Variants in WDR26 observed in about 807,000 individuals in gnomAD.
WDR26 encodes the protein WD repeat-containing protein 26.
Under a neutral mutation model 84.1 loss-of-function variants are expected in WDR26, and 5 were observed. The observed-to-expected ratio is 0.06, with a 90% confidence interval of 0.03 to 0.13. WDR26 has a LOEUF of 0.13. WDR26 is among the 10% of genes least tolerant of loss of function. The pLI, the probability that WDR26 is intolerant of heterozygous loss-of-function variation, is 1.00. For synonymous variants in WDR26, 415 were observed against 389.6 expected, an observed-to-expected ratio of 1.07 and a Z score of -0.77; for missense variants, 642 against 974.9, an observed-to-expected ratio of 0.66 and a Z score of 4.55.
chr1:224,425,850 C>T (rs933729468), intron 3 of WDR26, among the ~76,000 whole-genome samples: 4 of 152,008 alleles, frequency 2.6e-5, no homozygotes, highest in Admixed American at 1.3e-4. Context: ...TTTTCTTCTT[C>T]GTAAGATGCT....
At chr1:224,391,384 CA>C (rs59569992) in intron 13 of WDR26, among the ~76,000 whole-genome samples, 92,855 of 124,742 alleles carry the variant, frequency 0.74, 36,205 homozygotes, top group Middle Eastern at 0.79. Flanking sequence ...AAAAAAAAAA[CA>C]AAAAAAAAAC....
chr1:224,404,922 T>C (rs933709704), intron 7 of WDR26, among the ~76,000 whole-genome samples: 22 of 152,244 alleles, frequency 1.4e-4, no homozygotes, highest in Admixed American at 4.6e-4. Flanking sequence ...ATCTCTTACA[T>C]ATTTTTAAAC....
At chr1:224,431,808 G>T (rs769387035) in intron 1 of WDR26, 27 bp from the exon 2 acceptor site, 1 of 1,548,070 alleles carries the variant, frequency 6.5e-7, no homozygotes, top group Non-Finnish European at 8.8e-7. Flanking sequence ...GTGTAAAACA[G>T]ACCTGACCAA....
rs1368763272 is a variant in WDR26, at chr1:224,407,078, C to A, written c.1459-2508G>T. ...TGAAGGTTACAGTGAGCCAAGATTG[C>A]GCCACTGCACTCCAGCCTGGGCGAC... On this transcript the variant is annotated intron_variant, in intron 7 of 13. Coordinates refer to ENST00000414423, the MANE Select transcript of WDR26 (RefSeq NM_001379403.1). 1.6e-4 allele frequency among the ~76,000 whole-genome samples: 21 copies of A among 131,300 alleles called. No homozygotes were observed. The South Asian group carries it at 5.5e-3, about 34-fold the overall frequency. 86.1% of individuals were successfully genotyped at this position (131,300 alleles called of 152,430 possible).
intron 4 of WDR26, among the ~76,000 whole-genome samples, chr1:224,420,644 C>A (rs1167664664): frequency 6.6e-6 from 1 of 152,178 alleles, no homozygotes; most frequent in Non-Finnish European, 1.5e-5. Flanking sequence ...TCTTCCCAAA[C>A]AGCAGAACTA....
At chr1:224,430,259 T>C (rs1486925006) in intron 3 of WDR26, 1 of 152,328 alleles carries the variant, frequency 6.6e-6, no homozygotes, top group Non-Finnish European at 1.5e-5. Flanking sequence ...TTTTCAATTT[T>C]ACTACAGAAT....
At chr1:224,433,623 C>T (rs566554136) in intron 1 of WDR26, 61 bp downstream of exon 1, 4 of 1,015,946 alleles carry the variant, frequency 3.9e-6, no homozygotes, top group South Asian at 2.3e-5. Context: ...CCTTCCCCTA[C>T]CCCCCTGGAG....
chr1:224,401,174 T>C, intron 8 of WDR26, 105 bp from the exon 9 acceptor site: 1 of 1,134,244 alleles, frequency 8.8e-7, no homozygotes, highest in Non-Finnish European at 1.2e-6. Flanking sequence ...TCCCAGTTCA[T>C]TCTAAGTAGA....
chr1:224,405,418 T>C (rs1673524590), intron 7 of WDR26, among the ~76,000 whole-genome samples: 1 of 152,200 alleles, frequency 6.6e-6, no homozygotes, highest in South Asian at 2.1e-4. Context: ...TATGTTTCCA[T>C]TTCTCTTGGG....
intron 4 of WDR26, among the ~76,000 whole-genome samples, chr1:224,423,096 T>C (rs1336116185): frequency 2.0e-5 from 3 of 152,260 alleles, no homozygotes; most frequent in South Asian, 4.1e-4. Context: ...TTCTTGTGTA[T>C]TGACCTTGTA....
At chr1:224,407,151 A>AATATATATATATATATATATATATAT (rs1335487396) in intron 7 of WDR26, among the ~76,000 whole-genome samples, 4 of 11,864 alleles carry the variant, frequency 3.4e-4, no homozygotes, top group African/African-American at 7.8e-4. Flanking sequence ...AAAAAAAAAA[A>AATATATATATATATATATATATATAT]ATATATATAT....
rs914587835 is a variant in WDR26, at chr1:224,398,026, G to A, written c.2074+71C>T. The A allele has an allele frequency of 5.0e-5, 78 of 1,558,930 alleles. No individual in the cohort carries two copies. In the African/African-American group the frequency reaches 8.1e-4, roughly 16 times the overall value. ...CTACCCTGAATTTTCTTGGAGACATGACTGCCTTCATAAATTGAGATTTAC... is the reference window on the plus strand; with the variant it reads ...CTACCCTGAATTTTCTTGGAGACATAACTGCCTTCATAAATTGAGATTTAC... On this transcript the variant is annotated intron_variant, in intron 12 of 13. Coordinates refer to ENST00000414423, the MANE Select transcript of WDR26 (RefSeq NM_001379403.1).
rs1366403298 is a variant in WDR26 at position 224,407,138 on chromosome 1, AAAAAAAAAAAAAAATATAT to A, written c.1459-2587_1459-2569del. ...CTCTGTCTTTAAAAAAAAAAAAAAA[AAAAAAAAAAAAAAATATAT>A]ATATATATATATATAACTCAAAAAC... On this transcript the variant is annotated intron_variant, in intron 7 of 13. Coordinates refer to ENST00000414423, the MANE Select transcript of WDR26 (RefSeq NM_001379403.1). Among the ~76,000 whole-genome samples the A allele has an allele frequency of 6.3e-5, 4 of 63,896 alleles. 1 individual carries two copies. The highest frequency in any genetic ancestry group is 5.5e-4 in the Admixed American group (3 of 5,408). 41.9% of individuals were successfully genotyped at this position (63,896 alleles called of 152,430 possible). A position where few individuals can be genotyped will look rare whatever the true frequency, so the allele number is the denominator to read the frequency against.
intron 6 of WDR26, among the ~76,000 whole-genome samples, chr1:224,416,490 T>G (rs990795685): frequency 9.2e-5 from 14 of 152,190 alleles, no homozygotes; most frequent in African/African-American, 3.1e-4. Context: ...CCTCCCATAG[T>G]GCTGGGATTA....
At chr1:224,419,433 T>A in intron 5 of WDR26, 85 bp downstream of exon 5, 1 of 1,025,232 alleles carries the variant, frequency 9.8e-7, no homozygotes, top group Non-Finnish European at 1.5e-6. Flanking sequence ...TGTCCAGATA[T>A]TCCCCATCTG....
chr1:224,410,553 T>C (rs1387855161), intron 7 of WDR26, among the ~76,000 whole-genome samples: 1 of 151,884 alleles, frequency 6.6e-6, no homozygotes, highest in Non-Finnish European at 1.5e-5. Flanking sequence ...TATATATCAA[T>C]GGGAAAACAA....
In WDR26 at chr1:224,385,571, G is replaced by A. The variant is rs1185514495; in HGVS notation, c.*4264C>T. The A allele has an allele frequency of 6.6e-6, 1 of 152,604 alleles. No individual in the cohort carries two copies. The highest frequency in any genetic ancestry group is 1.5e-5 in the Non-Finnish European group (1 of 68,030). 9.5% of individuals were successfully genotyped at this position (152,604 alleles called of 1,614,324 possible). On this transcript the variant is annotated 3_prime_UTR_variant, in exon 14 of 14. Transcript: ENST00000414423. Reference sequence around the variant, plus strand: ...TACCAAAAGCTCTAAGTGTTAACTAGTTCCACCACAATGCCATGTAAATCT... The same window carrying A: ...TACCAAAAGCTCTAAGTGTTAACTAATTCCACCACAATGCCATGTAAATCT...
intron 3 of WDR26, among the ~76,000 whole-genome samples, chr1:224,427,596 C>T (rs1016413389): frequency 6.6e-6 from 1 of 152,164 alleles, no homozygotes; most frequent in Non-Finnish European, 1.5e-5. Flanking sequence ...GTCATTTTAT[C>T]CAGATCAAGA....
In WDR26 at chr1:224,404,358, A is replaced by G. The variant is rs188514045; in HGVS notation, c.1599+72T>C. On this transcript the variant is annotated intron_variant, in intron 8 of 13. Coordinates refer to ENST00000414423, the MANE Select transcript of WDR26 (RefSeq NM_001379403.1). ...GAATGGTTATATTATATAAATCAAT[A>G]AAGTTATAATGAATATGTACATTAT... The G allele has an allele frequency of 4.8e-5, 72 of 1,511,236 alleles. No individual in the cohort carries two copies. In the African/African-American group the frequency reaches 1.0e-3, roughly 21 times the overall value. The allele number at this position is 1,511,236 out of a possible 1,614,324, so 93.6% of individuals were successfully genotyped here. A position where few individuals can be genotyped will look rare whatever the true frequency, so the allele number is the denominator to read the frequency against.
Sources: gnomAD v4.1 joint callset for allele counts (sites outside exome capture counted in the v4.1 genomes callset) on GRCh38, gnomAD v4.1.1 for gene constraint, MANE v1.5 for transcripts, NCBI Gene and HGNC (gene_info 2026-07-23, HGNC 2026-07-21) for gene names.